Variants in MEIS1 observed in about 807,000 individuals in gnomAD.
The protein encoded by MEIS1 is Meis homeobox 1.
Under a neutral mutation model 50.8 loss-of-function variants are expected in MEIS1, and 5 were observed. The ratio of observed to expected loss-of-function variants is 0.10; its 90% CI spans 0.05 to 0.21. The LOEUF (loss-of-function observed/expected upper bound fraction) is 0.21. Among genes scored for constraint, MEIS1 ranks in the 10% least tolerant of loss-of-function variants. MEIS1 has a pLI of 1.00. For missense variants in MEIS1, 318 were observed against 517.3 expected (o/e 0.61, Z 3.74); for synonymous variants, 176 against 179.3 (o/e 0.98, Z 0.15).
At chr2:66,436,064 G>A (rs1293635934) in intron 1 of MEIS1, among the ~76,000 whole-genome samples, 196 bp downstream of exon 1, 2 of 151,818 alleles carry the variant, frequency 1.3e-5, no homozygotes, top group East Asian at 3.9e-4. Flanking sequence ...TTAATTAAAG[G>A]AATCTATTTA....
At chr2:66,527,249 T>G (rs548961686) in intron 8 of MEIS1, among the ~76,000 whole-genome samples, 3 of 152,216 alleles carry the variant, frequency 2.0e-5, no homozygotes, top group Admixed American at 6.5e-5. Context: ...ACAGAAAAGG[T>G]TAAAGATCTA....
rs1675489807 is a variant in MEIS1 at position 66,571,631 on chromosome 2, G to A, written c.*423G>A. 1 of 1,381,232 alleles carries A rather than the reference G, an allele frequency of 7.2e-7. No homozygotes were observed. The highest frequency in any genetic ancestry group is 1.5e-5 in the African/African-American group (1 of 68,386). 85.6% of individuals were successfully genotyped at this position (1,381,232 alleles called of 1,614,324 possible). On this transcript the variant is annotated 3_prime_UTR_variant, in exon 13 of 13. Coordinates refer to ENST00000272369, the MANE Select transcript of MEIS1 (RefSeq NM_002398.3). Reference sequence around the variant, plus strand: ...TTCTTGGCATCTACTCTGGACCAAGGAGCATCCCTAATTCTTCATAGGGAC... The same window carrying A: ...TTCTTGGCATCTACTCTGGACCAAGAAGCATCCCTAATTCTTCATAGGGAC...
At chr2:66,501,562 G>T (rs1673558118) in intron 7 of MEIS1, among the ~76,000 whole-genome samples, 1 of 149,430 alleles carries the variant, frequency 6.7e-6, no homozygotes, top group African/African-American at 2.5e-5. Context: ...ATTTGCTGTT[G>T]TTCCCCTGAG....
chr2:66,475,335 TG>T (rs1252637102), intron 7 of MEIS1, among the ~76,000 whole-genome samples: 2 of 147,212 alleles, frequency 1.4e-5, no homozygotes, highest in Non-Finnish European at 3.0e-5. Context: ...ATTTATATAT[TG>T]TATATATTTA....
At chr2:66,561,820 G>C (rs902662710) in intron 9 of MEIS1, among the ~76,000 whole-genome samples, 1 of 152,108 alleles carries the variant, frequency 6.6e-6, no homozygotes, top group Non-Finnish European at 1.5e-5. Flanking sequence ...CTTACGCCTA[G>C]TTGGCAAGAA....
intron 9 of MEIS1, among the ~76,000 whole-genome samples, chr2:66,551,323 A>G (rs1674914464): frequency 6.6e-6 from 1 of 152,172 alleles, no homozygotes; most frequent in Non-Finnish European, 1.5e-5. Flanking sequence ...GCTAAAGTAC[A>G]TGGGATTTGA....
chr2:66,569,599 A>G (rs1398282333), intron 12 of MEIS1: 1 of 152,926 alleles, frequency 6.5e-6, no homozygotes, highest in East Asian at 1.9e-4. Flanking sequence ...TAAAATAAAC[A>G]CAAGCTTTAC....
intron 7 of MEIS1, among the ~76,000 whole-genome samples, chr2:66,467,667 A>AAT (rs1182380776): frequency 6.6e-6 from 1 of 152,158 alleles, no homozygotes; most frequent in East Asian, 1.9e-4. Context: ...TAATTACAAA[A>AAT]ATATCAAGGT....
chr2:66,534,263 C>T (rs1026554389), intron 8 of MEIS1, among the ~76,000 whole-genome samples: 3 of 152,158 alleles, frequency 2.0e-5, no homozygotes, highest in African/African-American at 4.8e-5. Flanking sequence ...GGGCCGGGCG[C>T]AGTGGCTCAC....
chr2:66,552,473 ATTCCAGG>A (rs1291937689), intron 9 of MEIS1, among the ~76,000 whole-genome samples: 5 of 152,208 alleles, frequency 3.3e-5, no homozygotes, highest in Non-Finnish European at 7.4e-5. Flanking sequence ...AGCATATAAA[ATTCCAGG>A]TTCCATCCTA....
intron 9 of MEIS1, among the ~76,000 whole-genome samples, chr2:66,559,558 T>G (rs954674920): frequency 8.5e-5 from 13 of 152,214 alleles, no homozygotes; most frequent in Non-Finnish European, 1.3e-4. Flanking sequence ...TGAAAAATGG[T>G]TCATCTATTA....
Position 66,435,811 on chromosome 2 carries a change from A to G in MEIS1, c.-46A>G. 6.7e-7 allele frequency: 1 copy of G among 1,495,900 alleles called. No homozygotes were observed. The highest frequency in any genetic ancestry group is 9.0e-7 in the Non-Finnish European group (1 of 1,109,592). The allele number at this position is 1,495,900 out of a possible 1,614,324, so 92.7% of individuals were successfully genotyped here. On this transcript the variant is annotated 5_prime_UTR_variant, in exon 1 of 13. Transcript: ENST00000272369. ...TTGTTTCTTTTCACACTGGCCTTAA[A>G]GAGGATATATTAGAAGTTGAAGTAG...
At position 66,572,021 on chromosome 2, in the gene MEIS1, T is replaced by C. The variant is rs2103982319; in HGVS notation, c.*813T>C. ...GCGCGCTCTCTCTCTTTCTCTCTCTTTTCCTCTCTCTCCCTCTTTCTAGCC... is the reference window on the plus strand; with the variant it reads ...GCGCGCTCTCTCTCTTTCTCTCTCTCTTCCTCTCTCTCCCTCTTTCTAGCC... On this transcript the variant is annotated 3_prime_UTR_variant, in exon 13 of 13. Transcript: ENST00000272369. 1 of 159,794 alleles carries C rather than the reference T, an allele frequency of 6.3e-6. No homozygotes were observed. Among genetic ancestry groups the C allele is most frequent in the African/African-American group, 2.4e-5 (1 of 41,630 alleles). 9.9% of individuals were successfully genotyped at this position (159,794 alleles called of 1,614,324 possible). A position where few individuals can be genotyped will look rare whatever the true frequency, so the allele number is the denominator to read the frequency against.
intron 8 of MEIS1, among the ~76,000 whole-genome samples, chr2:66,535,941 A>C (rs1674507158): frequency 6.6e-6 from 1 of 152,222 alleles, no homozygotes; most frequent in Admixed American, 6.5e-5. Flanking sequence ...CTTAGACAAC[A>C]ATGGATAAAG....
chr2:66,525,106 A>G lies in MEIS1; in HGVS notation c.888+12812A>G, dbSNP rs555399199. Among the ~76,000 whole-genome samples, 133 of 152,078 alleles carry G rather than the reference A, an allele frequency of 8.7e-4. 1 individual carries two copies. The highest frequency in any genetic ancestry group is 3.1e-3 in the African/African-American group (130 of 41,492). On this transcript the variant is annotated intron_variant, in intron 8 of 12. Coordinates refer to ENST00000272369, the MANE Select transcript of MEIS1 (RefSeq NM_002398.3). ...GGCACGCTTGTAGTCCCAGCTACTCAAGAGGCTAAGGCAGGAAAATCGCTT... is the reference window on the plus strand; with the variant it reads ...GGCACGCTTGTAGTCCCAGCTACTCGAGAGGCTAAGGCAGGAAAATCGCTT...
At chr2:66,473,184 G>T (rs1315115628) in intron 7 of MEIS1, among the ~76,000 whole-genome samples, 1 of 151,434 alleles carries the variant, frequency 6.6e-6, no homozygotes, top group Non-Finnish European at 1.5e-5. Context: ...TTCAAAACCA[G>T]CCTGACCAAC....
chr2:66,527,034 C>T (rs963006035), intron 8 of MEIS1, among the ~76,000 whole-genome samples: 2 of 151,676 alleles, frequency 1.3e-5, no homozygotes, highest in Admixed American at 6.6e-5. Context: ...CAAAAGAGAC[C>T]GAAAAAACTG....
chr2:66,528,418 C>T (rs1298688129), intron 8 of MEIS1, among the ~76,000 whole-genome samples: 2 of 152,046 alleles, frequency 1.3e-5, no homozygotes, highest in African/African-American at 2.4e-5. Context: ...GAATCCATTC[C>T]CTACACTAAA....
chr2:66,545,090 GTAAC>G lies in MEIS1; in HGVS notation c.889-2849_889-2846del, dbSNP rs1261581467. Reference sequence around the variant, plus strand: ...ACTGTGACAATTTTCAGTTTTCAAAGTAACTAAAGATAAATGGTATAAATAATAA... The same window carrying G: ...ACTGTGACAATTTTCAGTTTTCAAAGTAAAGATAAATGGTATAAATAATAA... On this transcript the variant is annotated intron_variant, in intron 8 of 12. Transcript: ENST00000272369. Among the ~76,000 whole-genome samples the G allele has an allele frequency of 9.9e-5, 15 of 152,242 alleles. No individual in the cohort carries two copies. In the East Asian group the frequency reaches 1.4e-3, roughly 14 times the overall value.
Sources: allele counts gnomAD v4.1 joint callset (sites outside exome capture counted in the v4.1 genomes callset), GRCh38; gene constraint gnomAD v4.1.1; transcripts MANE v1.5; gene names NCBI Gene and HGNC (gene_info 2026-07-23, HGNC 2026-07-21).